Variants in FNDC3B observed in about 807,000 individuals in gnomAD.
FNDC3B encodes the protein fibronectin type III domain containing 3B.
Under a neutral mutation model 151.5 loss-of-function variants are expected in FNDC3B, and 12 were observed. The ratio of observed to expected loss-of-function variants is 0.08; its 90% CI spans 0.05 to 0.13. The LOEUF (loss-of-function observed/expected upper bound fraction) is 0.13, where lower values mean the gene tolerates loss of function less well. FNDC3B is among the 10% of genes least tolerant of loss of function. The probability of loss-of-function intolerance (pLI) is 1.00; values close to 1 mark genes in which losing one functional copy is unlikely to be tolerated. For synonymous variants in FNDC3B, 528 were observed against 549.0 expected, an observed-to-expected ratio of 0.96 and a Z score of 0.54; for missense variants, 1,214 against 1,505.3, an observed-to-expected ratio of 0.81 and a Z score of 3.20.
At chr3:172,250,983 AT>A (rs1364555025) in intron 5 of FNDC3B, among the ~76,000 whole-genome samples, 1 of 151,908 alleles carries the variant, frequency 6.6e-6, no homozygotes, top group African/African-American at 2.4e-5. Context: ...CGCCTGGCTA[AT>A]TTTTTGTATT....
At position 172,337,332 on chromosome 3, in the gene FNDC3B, C is replaced by G. The variant is rs773263646; in HGVS notation, c.1783C>G (p.Pro595Ala). ...TAAGACATTTGGTTATTTTCCAGAT[C>G]CCCCTAAGGACAATGGTGGTTCAGA... is the stretch of plus-strand genomic sequence containing the variant. ...TSHGFSVKWD[P>A]PKDNGGSEIL... is the part of the protein sequence containing the mutation. Residue 595 changes from proline (P) to alanine (A), a missense_variant and splice_region_variant, in exon 16 of 26, where the codon CCC becomes GCC. Pro to Ala is a conservative substitution (Grantham distance 27). Around this residue, in one of 7 missense-constraint regions of FNDC3B, gnomAD observed 380 missense variants for 420.9 expected, o/e 0.90. Transcript: ENST00000415807. 54 of 1,597,170 alleles carry G rather than the reference C, an allele frequency of 3.4e-5. No homozygotes were observed. In the East Asian group the frequency reaches 1.2e-3, roughly 35 times the overall value.
intron 19 of FNDC3B, among the ~76,000 whole-genome samples, chr3:172,345,535 C>A (rs2108313936): frequency 6.6e-6 from 1 of 152,246 alleles, no homozygotes; most frequent in South Asian, 2.1e-4. Context: ...AGAGCTTCCC[C>A]AACTCCCCAG....
intron 25 of FNDC3B, among the ~76,000 whole-genome samples, chr3:172,386,309 C>T (rs1306837291): frequency 6.7e-6 from 1 of 149,952 alleles, no homozygotes; most frequent in East Asian, 1.9e-4. Flanking sequence ...ATTCAGGCAG[C>T]AATAACTTTT....
At chr3:172,051,378 T>G (rs1183812881) in intron 1 of FNDC3B, among the ~76,000 whole-genome samples, 1 of 152,204 alleles carries the variant, frequency 6.6e-6, no homozygotes, top group Non-Finnish European at 1.5e-5. Context: ...ATAGTCTCCT[T>G]GTCTCCCTTA....
intron 4 of FNDC3B, among the ~76,000 whole-genome samples, chr3:172,233,247 T>C (rs528161977): frequency 2.0e-5 from 3 of 152,222 alleles, no homozygotes; most frequent in Non-Finnish European, 4.4e-5. Flanking sequence ...TCCAAGTTAA[T>C]GTTCTATCAT....
intron 6 of FNDC3B, among the ~76,000 whole-genome samples, chr3:172,259,856 CAAGTT>C (rs1304958217): frequency 6.6e-6 from 1 of 152,144 alleles, no homozygotes; most frequent in African/African-American, 2.4e-5. Flanking sequence ...TTTGTCATGT[CAAGTT>C]AAGAAGTCTT....
chr3:172,184,798 C>T (rs1423234646), intron 3 of FNDC3B, among the ~76,000 whole-genome samples: 1 of 152,152 alleles, frequency 6.6e-6, no homozygotes, highest in East Asian at 1.9e-4. Context: ...CCTTTAGGTT[C>T]TCCCCTTTCT....
At chr3:172,179,208 C>T (rs879767018) in intron 3 of FNDC3B, among the ~76,000 whole-genome samples, 7 of 151,194 alleles carry the variant, frequency 4.6e-5, no homozygotes, top group South Asian at 2.1e-4. Flanking sequence ...ATTACAGGCA[C>T]GCGCCACCAT....
intron 1 of FNDC3B, among the ~76,000 whole-genome samples, chr3:172,111,157 A>G (rs766129533): frequency 2.0e-5 from 3 of 151,594 alleles, no homozygotes; most frequent in Non-Finnish European, 4.4e-5. Context: ...GAAAATAGCC[A>G]TTTTTCTCTT....
At chr3:172,236,403 G>T (rs1727165863) in intron 4 of FNDC3B, among the ~76,000 whole-genome samples, 1 of 152,136 alleles carries the variant, frequency 6.6e-6, no homozygotes, top group Admixed American at 6.5e-5. Context: ...TAGAATTTAG[G>T]ACTGTGATGC....
At chr3:172,113,902 C>T (rs1720112695) in intron 2 of FNDC3B, among the ~76,000 whole-genome samples, 2 of 152,156 alleles carry the variant, frequency 1.3e-5, no homozygotes, top group African/African-American at 4.8e-5. Context: ...GGCTTTATCT[C>T]AGGAGTGTGT....
chr3:172,362,015 A>T (rs987502328), intron 22 of FNDC3B, among the ~76,000 whole-genome samples: 5 of 152,232 alleles, frequency 3.3e-5, no homozygotes, highest in African/African-American at 1.2e-4. Flanking sequence ...TCGATTTTAA[A>T]TTCATGGATG....
intron 1 of FNDC3B, among the ~76,000 whole-genome samples, chr3:172,092,418 G>A (rs779404670): frequency 4.3e-4 from 66 of 152,180 alleles, no homozygotes; most frequent in Non-Finnish European, 9.1e-4. Context: ...TATTAAGTGG[G>A]GGAGAAAATT....
At chr3:172,282,315 G>T (rs182494896) in intron 6 of FNDC3B, among the ~76,000 whole-genome samples, 8 of 151,802 alleles carry the variant, frequency 5.3e-5, no homozygotes, top group Admixed American at 2.6e-4. Context: ...TAATATAAGT[G>T]CATTTTTCTC....
chr3:172,335,028 A>G lies in FNDC3B; in HGVS notation c.1726A>G (p.Thr576Ala). The change falls in exon 15 of 26, where the codon ACC (threonine) becomes GCC (alanine). Residue 576 changes from threonine (T) to alanine (A), a missense_variant. By Grantham distance (58) the Thr-to-Ala change is moderately conservative. Transcript: ENST00000415807. ...GAGTCCTGACAGGCCTGGACCTCCT[A>G]CCAGACCGCTTGTCAAAGGCCCAGT... ...TTSPDRPGPP[T>A]RPLVKGPVTS... The G allele has an allele frequency of 6.2e-7, 1 of 1,613,268 alleles. No individual in the cohort carries two copies. Among genetic ancestry groups the G allele is most frequent in the Non-Finnish European group, 8.5e-7 (1 of 1,179,700 alleles).
chr3:172,191,799 A>T (rs1345493388), intron 3 of FNDC3B, among the ~76,000 whole-genome samples: 1 of 152,028 alleles, frequency 6.6e-6, no homozygotes, highest in African/African-American at 2.4e-5. Context: ...TTCTTGTGTC[A>T]GGCACTGTGT....
intron 1 of FNDC3B, among the ~76,000 whole-genome samples, chr3:172,061,394 G>A (rs929536619): frequency 2.0e-5 from 3 of 151,832 alleles, no homozygotes; most frequent in East Asian, 3.9e-4. Context: ...CACCAAGCCC[G>A]GCTATTTTTT....
chr3:172,398,615 A>T lies in FNDC3B; in HGVS notation c.*1140A>T, dbSNP rs555639241. 1 of 152,320 alleles carries T rather than the reference A, an allele frequency of 6.6e-6. No individual in the cohort carries two copies. The highest frequency in any genetic ancestry group is 6.5e-5 in the Admixed American group (1 of 15,290). The allele number at this position is 152,320 out of a possible 1,614,324, so 9.4% of individuals were successfully genotyped here. A position where few individuals can be genotyped will look rare whatever the true frequency, so the allele number is the denominator to read the frequency against. ...TTGCCTGGCCATGGTTGGAGAGGGA[A>T]TGGTGTTTGATGGTAAACACAGGGT... On this transcript the variant is annotated 3_prime_UTR_variant, in exon 26 of 26. Transcript: ENST00000415807.
At chr3:172,211,793 C>T (rs909780189) in intron 3 of FNDC3B, among the ~76,000 whole-genome samples, 4 of 152,216 alleles carry the variant, frequency 2.6e-5, no homozygotes, top group Non-Finnish European at 5.9e-5. Context: ...GTAAACTCTA[C>T]ATTGAAGTAT....
Sources: allele counts gnomAD v4.1 joint callset (sites outside exome capture counted in the v4.1 genomes callset), GRCh38; gene constraint gnomAD v4.1.1; regional missense constraint gnomAD v4.1.1; transcripts MANE v1.5; gene names NCBI Gene and HGNC (gene_info 2026-07-23, HGNC 2026-07-21).